The following TENM2 variants were observed in gnomAD, a reference collection of about 807,000 sequenced individuals.
TENM2 encodes teneurin-2.
Under a neutral mutation model 245.2 loss-of-function variants are expected in TENM2, and 52 were observed. The ratio of observed to expected loss-of-function variants is 0.21; its 90% CI spans 0.17 to 0.27. The LOEUF (loss-of-function observed/expected upper bound fraction) is 0.27. TENM2 is among the 10% of genes least tolerant of loss of function. TENM2 has a pLI of 1.00. For synonymous variants in TENM2, 1,363 were observed against 1,438.9 expected, an observed-to-expected ratio of 0.95 and a Z score of 1.19; for missense variants, 3,046 against 3,666.8, an observed-to-expected ratio of 0.83 and a Z score of 4.37.
intron 2 of TENM2, among the ~76,000 whole-genome samples, chr5:167,738,098 C>T (rs898566772): frequency 1.2e-4 from 19 of 152,222 alleles, no homozygotes; most frequent in Admixed American, 2.0e-4. Flanking sequence ...TCAGCATTTG[C>T]TGGGCACCCA....
intron 2 of TENM2, among the ~76,000 whole-genome samples, chr5:167,703,305 G>A (rs1380628442): frequency 6.6e-6 from 1 of 152,082 alleles, no homozygotes; most frequent in Non-Finnish European, 1.5e-5. Context: ...GTGGAGGTGG[G>A]TGGATCACCT....
At chr5:168,216,872 C>A in exon 22 of TENM2, 2 of 1,614,014 alleles carry the variant, frequency 1.2e-6, no homozygotes, top group Non-Finnish European at 1.7e-6. Context: ...CTCCAATGAC[C>A]TCACTGCCGT....
rs150478377 is a variant in TENM2, at chr5:167,299,863, T to C, written c.226+14800T>C. ...TATGGGAGACTCAACAAAGAGTGAG[T>C]ACAGCTGAAGGAGCCAGGGAGCAGA... On this transcript the variant is annotated intron_variant, in intron 1 of 28. Coordinates refer to ENST00000518659, the Ensembl canonical transcript of TENM2. Among the ~76,000 whole-genome samples the C allele has an allele frequency of 0.017, 2,625 of 152,028 alleles. 173 individuals carry two copies. In the East Asian group the frequency reaches 0.21, roughly 12 times the overall value.
At chr5:168,200,697 C>G (rs548564459) in intron 17 of TENM2, among the ~76,000 whole-genome samples, 2 of 152,314 alleles carry the variant, frequency 1.3e-5, no homozygotes, top group Non-Finnish European at 2.9e-5. Flanking sequence ...ATCAGAAAGT[C>G]ACATGCTATG....
intron 7 of TENM2, among the ~76,000 whole-genome samples, chr5:168,089,439 C>A (rs1373868817): frequency 6.6e-6 from 1 of 152,184 alleles, no homozygotes; most frequent in East Asian, 1.9e-4. Context: ...CCTGCTACAG[C>A]ATTTCATCTA....
chr5:167,206,702 G>C, the TENM2 span, among the ~76,000 whole-genome samples: 1 of 151,934 alleles, frequency 6.6e-6, no homozygotes, highest in Non-Finnish European at 1.5e-5. Flanking sequence ...ACCCAGGTTT[G>C]GATATATTTT....
At chr5:167,427,543 AGGGAAGGAC>A (rs1331925264) in intron 2 of TENM2, among the ~76,000 whole-genome samples, 7 of 125,364 alleles carry the variant, frequency 5.6e-5, no homozygotes, top group Admixed American at 4.2e-4. Context: ...ATGGGAAGGA[AGGGAAGGAC>A]GGGAAGGAAG....
At chr5:167,475,436 CT>C in intron 2 of TENM2, among the ~76,000 whole-genome samples, 1 of 152,182 alleles carries the variant, frequency 6.6e-6, no homozygotes. Flanking sequence ...TACACAGTAA[CT>C]TAAATAACAT....
At chr5:167,850,860 G>T (rs1275901326) in intron 2 of TENM2, among the ~76,000 whole-genome samples, 1 of 152,164 alleles carries the variant, frequency 6.6e-6, no homozygotes, top group East Asian at 1.9e-4. Context: ...GCTCTGTAGT[G>T]CTGGATTCAG....
rs552806223 is a variant in TENM2, at chr5:167,878,767, G to T, written c.712+2572G>T. On this transcript the variant is annotated intron_variant, in intron 3 of 28. Coordinates refer to ENST00000518659, the Ensembl canonical transcript of TENM2. The stretch of plus-strand genomic sequence containing the variant: ...TGTCTGAGTGTTTTGAACTGAGTCT[G>T]ATAAAAGGGGCTGAATTTTTCAGGA... Among the ~76,000 whole-genome samples the T allele has an allele frequency of 2.0e-5, 3 of 152,276 alleles. No individual in the cohort carries two copies. The South Asian group carries it at 6.2e-4, about 32-fold the overall frequency.
chr5:167,952,469 G>T, intron 3 of TENM2, 119 bp from the exon 6 acceptor site: 1 of 805,608 alleles, frequency 1.2e-6, no homozygotes, highest in Non-Finnish European at 2.0e-6. Context: ...GCTCTAGCTT[G>T]CAGCTTTCAG....
intron 3 of TENM2, among the ~76,000 whole-genome samples, chr5:167,891,710 C>T (rs1157288031): frequency 6.6e-6 from 1 of 152,186 alleles, no homozygotes; most frequent in Non-Finnish European, 1.5e-5. Flanking sequence ...GGACTGTCAG[C>T]ATATTTTGAT....
At position 168,052,192 on chromosome 5, in the gene TENM2, C is replaced by G. The variant is rs145545367; in HGVS notation, c.1309+4643C>G. The stretch of plus-strand genomic sequence containing the variant: ...CACGAGCTCAGGAGATCAAGACCAT[C>G]CTGGCTAACATGGTGAGACCCCGTC... On this transcript the variant is annotated intron_variant, in intron 6 of 28. Transcript: ENST00000518659. Among the ~76,000 whole-genome samples, 30 of 152,148 alleles carry G rather than the reference C, an allele frequency of 2.0e-4. 1 individual carries two copies. The East Asian group carries it at 4.8e-3, about 25-fold the overall frequency.
intron 2 of TENM2, among the ~76,000 whole-genome samples, chr5:167,461,158 T>C (rs1766267693): frequency 1.3e-5 from 2 of 152,132 alleles, no homozygotes; most frequent in Admixed American, 1.3e-4. Flanking sequence ...ATTTTGTTCA[T>C]ATTCATATAT....
At chr5:167,958,180 A>T (rs566392046) in intron 4 of TENM2, among the ~76,000 whole-genome samples, 13 of 152,338 alleles carry the variant, frequency 8.5e-5, no homozygotes, top group African/African-American at 3.1e-4. Context: ...ATATATATTT[A>T]GGATAGTTAG....
intron 6 of TENM2, among the ~76,000 whole-genome samples, chr5:168,048,771 A>G (rs919474397): frequency 4.6e-5 from 7 of 152,178 alleles, no homozygotes; most frequent in African/African-American, 1.7e-4. Context: ...TGCTTTGAGG[A>G]TGACTTTTTT....
chr5:168,111,359 C>A (rs1794652977), intron 9 of TENM2, among the ~76,000 whole-genome samples: 1 of 152,164 alleles, frequency 6.6e-6, no homozygotes, highest in Non-Finnish European at 1.5e-5. Flanking sequence ...TTCCTCTCTT[C>A]ACGGGGGTCC....
intron 9 of TENM2, among the ~76,000 whole-genome samples, chr5:168,105,483 T>C (rs920622063): frequency 7.2e-5 from 11 of 152,338 alleles, no homozygotes; most frequent in Middle Eastern, 3.4e-3. Context: ...GCACCTGGTC[T>C]CCTGGGCCGT....
At chr5:167,990,328 C>T (rs1407949411) in intron 4 of TENM2, among the ~76,000 whole-genome samples, 1 of 152,178 alleles carries the variant, frequency 6.6e-6, no homozygotes, top group African/African-American at 2.4e-5. Flanking sequence ...CCTTATGTAG[C>T]TCTGAAGAAT....
Sources: gnomAD v4.1 joint callset for allele counts (sites outside exome capture counted in the v4.1 genomes callset) on GRCh38, gnomAD v4.1.1 for gene constraint, MANE v1.5 for transcripts, NCBI Gene and HGNC (gene_info 2026-07-23, HGNC 2026-07-21) for gene names.